The following MYO3A variants were observed in gnomAD, a reference collection of about 807,000 sequenced individuals.
MYO3A encodes the protein myosin-IIIa.
In MYO3A, 180 loss-of-function variants were observed where a neutral mutation model predicts 192.7. The ratio of observed to expected loss-of-function variants is 0.93; its 90% confidence interval spans 0.83 to 1.06. MYO3A has a LOEUF of 1.06. Among genes scored for constraint, MYO3A ranks in the 50% least tolerant of loss-of-function variants. The pLI is 0.00. For synonymous variants in MYO3A, 628 were observed against 645.3 expected, an observed-to-expected ratio of 0.97 and a Z score of 0.41; for missense variants, 1,896 against 1,905.0, an observed-to-expected ratio of 1.00 and a Z score of 0.09.
chr10:26,031,009 A>G (rs1324819115), intron 10 of MYO3A, among the ~76,000 whole-genome samples: 1 of 152,254 alleles, frequency 6.6e-6, no homozygotes, highest in African/African-American at 2.4e-5. Context: ...TGACAATGTT[A>G]GAAGGCAGAC....
At chr10:26,167,081 G>C (rs927323664) in intron 27 of MYO3A, among the ~76,000 whole-genome samples, 1 of 152,122 alleles carries the variant, frequency 6.6e-6, no homozygotes, top group African/African-American at 2.4e-5. Context: ...AATGTATCAC[G>C]GGGAGGATGA....
At chr10:26,205,468 T>C in intron 34 of MYO3A, among the ~76,000 whole-genome samples, 31 of 145,142 alleles carry the variant, frequency 2.1e-4, no homozygotes, top group African/African-American at 7.9e-4. Flanking sequence ...CTTGTCTTTT[T>C]TTTTTTTTTT....
At chr10:26,149,487 G>A (rs1046861595) in intron 23 of MYO3A, among the ~76,000 whole-genome samples, 5 of 151,956 alleles carry the variant, frequency 3.3e-5, no homozygotes, top group East Asian at 1.9e-4. Flanking sequence ...CACCCGCCTC[G>A]GCCTCCCAAG....
At chr10:26,006,620 A>G (rs1841229003) in intron 6 of MYO3A, among the ~76,000 whole-genome samples, 1 of 152,248 alleles carries the variant, frequency 6.6e-6, no homozygotes, top group Admixed American at 6.5e-5. Context: ...CAAATAAACT[A>G]GAAAATCTAG....
intron 4 of MYO3A, among the ~76,000 whole-genome samples, chr10:25,985,411 A>T (rs777229178): frequency 1.3e-5 from 2 of 152,110 alleles, no homozygotes; most frequent in Non-Finnish European, 2.9e-5. Context: ...AAACAAACAA[A>T]AACAACAGAT....
Position 26,177,920 on chromosome 10 carries a change from C to T in MYO3A, c.4438+1075C>T, listed in dbSNP as rs1023958533. 2.6e-5 allele frequency among the ~76,000 whole-genome samples: 4 copies of T among 152,322 alleles called. No individual in the cohort carries two copies. In the South Asian group the frequency reaches 8.3e-4, roughly 32 times the overall value. The stretch of plus-strand genomic sequence containing the variant: ...CTTAATGTTTTCATCAATTATTCTG[C>T]CACATCGTTTTCAAGTCAAGAATTG... On this transcript the variant is annotated intron_variant, in intron 31 of 34. Transcript: ENST00000642920.
intron 20 of MYO3A, among the ~76,000 whole-genome samples, chr10:26,141,237 T>A (rs1026609495): frequency 4.6e-5 from 7 of 152,318 alleles, no homozygotes; most frequent in African/African-American, 1.4e-4. Context: ...CTAAATATAT[T>A]TTTAATGTAC....
chr10:26,116,863 C>T (rs535158374), intron 17 of MYO3A, among the ~76,000 whole-genome samples: 8 of 152,296 alleles, frequency 5.3e-5, no homozygotes, highest in Admixed American at 3.3e-4. Context: ...TTTGTAACAA[C>T]CAAAAATGTC....
chr10:25,995,320 A>G (rs12257345), intron 4 of MYO3A, among the ~76,000 whole-genome samples: 14,562 of 152,214 alleles, frequency 0.096, 1,240 homozygotes, highest in African/African-American at 0.22. Flanking sequence ...TTGTGCATTC[A>G]TCATGTAGTT....
At chr10:25,983,400 C>T (rs542492385) in intron 4 of MYO3A, among the ~76,000 whole-genome samples, 45 of 151,926 alleles carry the variant, frequency 3.0e-4, no homozygotes, top group African/African-American at 6.3e-4. Context: ...GGACTACAGG[C>T]GCCCGCCACC....
intron 6 of MYO3A, among the ~76,000 whole-genome samples, chr10:26,016,511 T>A (rs1248999428): frequency 6.6e-6 from 1 of 152,178 alleles, no homozygotes; most frequent in African/African-American, 2.4e-5. Context: ...GTTTACAATG[T>A]AGAAGATAGA....
intron 7 of MYO3A, among the ~76,000 whole-genome samples, chr10:26,020,593 C>A (rs901390199): frequency 6.6e-6 from 1 of 151,010 alleles, no homozygotes; most frequent in African/African-American, 2.4e-5. Context: ...CTAAAAATAT[C>A]TTTTATTTTT....
chr10:26,060,565 T>C (rs1209640647), intron 10 of MYO3A, among the ~76,000 whole-genome samples: 1 of 44,028 alleles, frequency 2.3e-5, no homozygotes, highest in East Asian at 3.6e-4. Flanking sequence ...TAAATTTCCA[T>C]ATCAAAATAT....
At chr10:26,124,204 A>AC (rs1839057015) in intron 18 of MYO3A, among the ~76,000 whole-genome samples, 1 of 151,944 alleles carries the variant, frequency 6.6e-6, no homozygotes. Context: ...AAAAAAAAAA[A>AC]AAAAAACTTT....
intron 3 of MYO3A, among the ~76,000 whole-genome samples, chr10:25,953,238 CTG>C (rs1414320847): frequency 6.6e-6 from 1 of 152,058 alleles, no homozygotes; most frequent in Non-Finnish European, 1.5e-5. Context: ...CAAAAGGTCT[CTG>C]AGTCTCCATT....
chr10:26,125,335 C>T (rs1359662896), intron 18 of MYO3A, 63 bp from the exon 19 acceptor site: 2 of 1,466,366 alleles, frequency 1.4e-6, no homozygotes, highest in African/African-American at 2.8e-5. Context: ...AAGACATTTT[C>T]ATTTTTGGGG....
At chr10:26,127,870 A>G (rs1257415499) in intron 19 of MYO3A, among the ~76,000 whole-genome samples, 2 of 151,940 alleles carry the variant, frequency 1.3e-5, no homozygotes, top group African/African-American at 2.4e-5. Flanking sequence ...CCAGTTTGCC[A>G]TTTGTTCTAT....
intron 17 of MYO3A, among the ~76,000 whole-genome samples, chr10:26,106,626 G>T (rs947209836): frequency 6.6e-6 from 1 of 151,942 alleles, no homozygotes; most frequent in Non-Finnish European, 1.5e-5. Context: ...TTTTGGAAAA[G>T]AATATTTATC....
chr10:26,020,848 C>T (rs2131077483), intron 7 of MYO3A, among the ~76,000 whole-genome samples: 1 of 152,340 alleles, frequency 6.6e-6, no homozygotes, highest in East Asian at 1.9e-4. Flanking sequence ...CTCTCAATTA[C>T]ATCTTTCGAT....
Sources: allele counts gnomAD v4.1 joint callset (sites outside exome capture counted in the v4.1 genomes callset), GRCh38; gene constraint gnomAD v4.1.1; transcripts MANE v1.5; gene names NCBI Gene and HGNC (gene_info 2026-07-23, HGNC 2026-07-21).